Variants in FUBP3 observed in about 807,000 individuals in gnomAD.
FUBP3 encodes the protein far upstream element binding protein 3.
FUBP3 carries 28 observed loss-of-function variants against 85.6 expected under a neutral mutation model. The observed-to-expected ratio is 0.33, with a 90% CI of 0.24 to 0.45. FUBP3 has a LOEUF of 0.45. FUBP3 is among the 20% of genes least tolerant of loss of function. The pLI is 1.00. For missense variants in FUBP3, 583 were observed against 755.1 expected (o/e 0.77, Z 2.67); for synonymous variants, 271 against 271.4 (o/e 1.00, Z 0.01).
At chr9:130,588,873 C>G (rs1830463902) in intron 1 of FUBP3, among the ~76,000 whole-genome samples, 1 of 152,218 alleles carries the variant, frequency 6.6e-6, no homozygotes, top group South Asian at 2.1e-4. Context: ...TGTTTCCTCC[C>G]ACTGTGGGGA....
At chr9:130,618,399 G>A (rs552519403) in intron 8 of FUBP3, among the ~76,000 whole-genome samples, 10 of 152,364 alleles carry the variant, frequency 6.6e-5, no homozygotes, top group African/African-American at 2.4e-4. Flanking sequence ...TAAGGTTGGA[G>A]GTGAGCACAG....
chr9:130,622,918 T>C (rs1829817993), intron 10 of FUBP3, 108 bp downstream of exon 10: 3 of 521,520 alleles, frequency 5.8e-6, no homozygotes, highest in Non-Finnish European at 6.7e-6. Flanking sequence ...TATTGGTTCA[T>C]GTGTATTCAC....
intron 1 of FUBP3, 142 bp downstream of exon 1, chr9:130,579,906 A>G (rs1215605754): frequency 2.2e-6 from 1 of 464,406 alleles, no homozygotes; most frequent in Non-Finnish European, 3.5e-6. Flanking sequence ...GAGTTCCTAC[A>G]GCCGGGAGGA....
intron 16 of FUBP3, among the ~76,000 whole-genome samples, chr9:130,634,060 G>A (rs1830319894): frequency 6.6e-6 from 1 of 152,190 alleles, no homozygotes; most frequent in African/African-American, 2.4e-5. Context: ...CTGAGGCTCT[G>A]TTCCCCCATG....
At chr9:130,599,050 T>C (rs932002867) in intron 2 of FUBP3, among the ~76,000 whole-genome samples, 10 of 152,102 alleles carry the variant, frequency 6.6e-5, no homozygotes, top group African/African-American at 1.7e-4. Context: ...CCCAGCACTT[T>C]GGGAGGCCAA....
At chr9:130,606,759 G>T (rs1249626400) in intron 2 of FUBP3, among the ~76,000 whole-genome samples, 1 of 152,084 alleles carries the variant, frequency 6.6e-6, no homozygotes, top group Non-Finnish European at 1.5e-5. Context: ...GGCAGAGGTT[G>T]TGGTAAGCCG....
intron 2 of FUBP3, among the ~76,000 whole-genome samples, chr9:130,599,866 T>C (rs575110717): frequency 1.3e-5 from 2 of 152,254 alleles, no homozygotes; most frequent in South Asian, 4.1e-4. Context: ...TCTTGCAACC[T>C]GGCCATTGCC....
In FUBP3 at chr9:130,585,502, C is replaced by A. The variant is rs574161257; in HGVS notation, c.84+5738C>A. Among the ~76,000 whole-genome samples the A allele has an allele frequency of 3.3e-5, 5 of 152,296 alleles. No homozygotes were observed. In the South Asian group the frequency reaches 1.0e-3, roughly 32 times the overall value. Reference sequence around the variant, plus strand: ...CTTGGGCTGGGTTGGGCTTTCCTAGCATTTGATCTATAGGCTGTTTAAAGA... The same window carrying A: ...CTTGGGCTGGGTTGGGCTTTCCTAGAATTTGATCTATAGGCTGTTTAAAGA... On this transcript the variant is annotated intron_variant, in intron 1 of 18. Transcript: ENST00000319725.
chr9:130,589,242 T>C (rs1336460285), intron 1 of FUBP3, among the ~76,000 whole-genome samples: 1 of 152,194 alleles, frequency 6.6e-6, no homozygotes. Flanking sequence ...TTAATTGTCA[T>C]GTTTTCTAAC....
At chr9:130,585,892 C>T (rs565341500) in intron 1 of FUBP3, among the ~76,000 whole-genome samples, 18 of 152,282 alleles carry the variant, frequency 1.2e-4, no homozygotes, top group African/African-American at 3.1e-4. Context: ...ATTCATACTC[C>T]CTTCTCTCTC....
At chr9:130,629,523 G>A (rs570156167) in intron 12 of FUBP3, among the ~76,000 whole-genome samples, 34 of 152,274 alleles carry the variant, frequency 2.2e-4, no homozygotes, top group African/African-American at 7.5e-4. Flanking sequence ...AGACGCCCTT[G>A]TGTCTGCCTT....
chr9:130,584,438 G>T (rs1830260019), intron 1 of FUBP3, among the ~76,000 whole-genome samples: 1 of 152,048 alleles, frequency 6.6e-6, no homozygotes, highest in South Asian at 2.1e-4. Context: ...TGAGGTGGGA[G>T]AATAGCTTGA....
chr9:130,615,400 G>T (rs1179478386), intron 6 of FUBP3, among the ~76,000 whole-genome samples: 2 of 152,232 alleles, frequency 1.3e-5, no homozygotes, highest in African/African-American at 4.8e-5. Flanking sequence ...CCAAGGAGCA[G>T]AGGCAGTGGG....
At chr9:130,625,163 C>A (rs1829919435) in intron 11 of FUBP3, among the ~76,000 whole-genome samples, 1 of 152,230 alleles carries the variant, frequency 6.6e-6, no homozygotes, top group Non-Finnish European at 1.5e-5. Flanking sequence ...GAGCCAGGAT[C>A]CTGCCATTGC....
At chr9:130,624,623 G>A (rs1829893329) in intron 11 of FUBP3, among the ~76,000 whole-genome samples, 1 of 148,506 alleles carries the variant, frequency 6.7e-6, no homozygotes, top group South Asian at 2.1e-4. Flanking sequence ...GTGTGTGTGT[G>A]TGTGTGTGTG....
chr9:130,603,861 A>C (rs1183460449), intron 2 of FUBP3, among the ~76,000 whole-genome samples: 1 of 152,198 alleles, frequency 6.6e-6, no homozygotes. Context: ...ACAAAACTAA[A>C]CATGCACTTA....
intron 1 of FUBP3, among the ~76,000 whole-genome samples, chr9:130,588,218 C>T (rs1830438159): frequency 6.6e-6 from 1 of 152,174 alleles, no homozygotes; most frequent in South Asian, 2.1e-4. Context: ...AGTTCAAGTT[C>T]TGGTTCTGCC....
chr9:130,605,992 A>G (rs528375572), intron 2 of FUBP3, among the ~76,000 whole-genome samples: 1 of 152,334 alleles, frequency 6.6e-6, no homozygotes, highest in East Asian at 1.9e-4. Flanking sequence ...TCAAACAACA[A>G]CAACAACAAA....
chr9:130,617,819 T>C lies in FUBP3; in HGVS notation c.590T>C (p.Val197Ala). 1 of 1,604,960 alleles carries C rather than the reference T, an allele frequency of 6.2e-7. No homozygotes were observed. Among genetic ancestry groups the C allele is most frequent in the Non-Finnish European group, 8.5e-7 (1 of 1,171,658 alleles). ...QLQERTGVKM[V>A]MIQDGPLPTG... ...CAGGAGCGGACAGGGGTGAAGATGG[T>C]CATGATCCAGGATGGCCCATTGCCC... is the stretch of plus-strand genomic sequence containing the variant. Residue 197 changes from valine to alanine, a missense_variant, in exon 8 of 19, where the codon GTC (valine) becomes GCC (alanine). Transcript: ENST00000319725.
Sources: gnomAD v4.1 joint callset for allele counts (sites outside exome capture counted in the v4.1 genomes callset) on GRCh38, gnomAD v4.1.1 for gene constraint, MANE v1.5 for transcripts, NCBI Gene and HGNC (gene_info 2026-07-23, HGNC 2026-07-21) for gene names.